LMNTD1: variants seen among roughly 807,000 people sequenced by gnomAD.
LMNTD1 encodes the protein lamin tail domain containing 1, also known as lamin tail domain-containing protein 1.
Under a neutral mutation model 50.9 loss-of-function variants are expected in LMNTD1, and 35 were observed. The ratio of observed to expected loss-of-function variants is 0.69; its 90% CI spans 0.53 to 0.91. The LOEUF (loss-of-function observed/expected upper bound fraction) is 0.91. LMNTD1 is among the 40% of genes least tolerant of loss of function. The pLI is 0.00. For synonymous variants in LMNTD1, 153 were observed against 161.9 expected, an observed-to-expected ratio of 0.94 and a Z score of 0.42; for missense variants, 470 against 475.5, an observed-to-expected ratio of 0.99 and a Z score of 0.11.
chr12:25,558,987 CT>C (rs566972849), intron 1 of LMNTD1, among the ~76,000 whole-genome samples: 8 of 148,866 alleles, frequency 5.4e-5, no homozygotes, highest in Non-Finnish European at 1.0e-4. Context: ...TTGAGACAGT[CT>C]TTTTTTTTAG....
At chr12:25,561,018 C>A (rs1473538701) in intron 1 of LMNTD1, among the ~76,000 whole-genome samples, 1 of 152,164 alleles carries the variant, frequency 6.6e-6, no homozygotes, top group Non-Finnish European at 1.5e-5. Flanking sequence ...ATTGAATACC[C>A]TTTTTTTCTT....
chr12:25,612,533 G>T (rs1376062358), intron 1 of LMNTD1, among the ~76,000 whole-genome samples: 1 of 152,058 alleles, frequency 6.6e-6, no homozygotes, highest in Non-Finnish European at 1.5e-5. Flanking sequence ...AGTCACTCAG[G>T]TAATGTAAAC....
chr12:25,542,219 G>A (rs1302089569), intron 4 of LMNTD1, among the ~76,000 whole-genome samples: 1 of 152,098 alleles, frequency 6.6e-6, no homozygotes, highest in African/African-American at 2.4e-5. Context: ...TCCCATTACT[G>A]GGTATATACC....
intron 4 of LMNTD1, among the ~76,000 whole-genome samples, chr12:25,539,949 C>T (rs1942932181): frequency 6.6e-6 from 1 of 151,572 alleles, no homozygotes; most frequent in Non-Finnish European, 1.5e-5. Flanking sequence ...ACAAACACCT[C>T]TACACAAATA....
chr12:25,591,858 A>AGAGAGAGAGAGAGT (rs1945710122), intron 1 of LMNTD1, among the ~76,000 whole-genome samples: 4 of 146,018 alleles, frequency 2.7e-5, no homozygotes, highest in Non-Finnish European at 6.0e-5. Context: ...AGAGAGAGAG[A>AGAGAGAGAGAGAGT]CTCTATTTAT....
intron 8 of LMNTD1, among the ~76,000 whole-genome samples, chr12:25,507,003 C>T (rs1235823735): frequency 6.6e-6 from 1 of 152,076 alleles, no homozygotes; most frequent in Non-Finnish European, 1.5e-5. Context: ...CCTCGGCCTC[C>T]CGAGTAGCTG....
At position 25,546,343 on chromosome 12, in the gene LMNTD1, A is replaced by G. The variant is rs144583764; in HGVS notation, c.491+31T>C. The G allele has an allele frequency of 2.8e-6, 4 of 1,411,514 alleles. No homozygotes were observed. In the African/African-American group the frequency reaches 4.3e-5, roughly 15 times the overall value. 87.4% of individuals were successfully genotyped at this position (1,411,514 alleles called of 1,614,324 possible). On this transcript the variant is annotated intron_variant, in intron 4 of 9. Coordinates refer to ENST00000458174, the MANE Select transcript of LMNTD1 (RefSeq NM_001145728.2). ...GATTTATTGGTCCTACCCCGACAGA[A>G]GATACTAAGTAGTTCAAATAAAATA...
intron 1 of LMNTD1, among the ~76,000 whole-genome samples, chr12:25,639,493 G>T: frequency 6.6e-6 from 1 of 151,940 alleles, no homozygotes; most frequent in Non-Finnish European, 1.5e-5. Context: ...TTTAAAAATG[G>T]GTAAAGAAGT....
At chr12:25,588,024 T>G (rs1209119617) in intron 1 of LMNTD1, among the ~76,000 whole-genome samples, 5 of 152,100 alleles carry the variant, frequency 3.3e-5, no homozygotes. Context: ...ATACTAAGAA[T>G]CAGAAGTTCT....
chr12:25,527,681 T>TACACACACACAC (rs376707066), intron 4 of LMNTD1, among the ~76,000 whole-genome samples: 12 of 32,344 alleles, frequency 3.7e-4, no homozygotes, highest in East Asian at 3.3e-3. Flanking sequence ...TATATATATA[T>TACACACACACAC]ACACACACAC....
intron 9 of LMNTD1, among the ~76,000 whole-genome samples, chr12:25,501,203 C>T (rs1404407650): frequency 6.6e-6 from 1 of 152,066 alleles, no homozygotes; most frequent in Admixed American, 6.6e-5. Flanking sequence ...GCTGACCAGG[C>T]TGCCTTTGAA....
chr12:25,505,265 T>C (rs774881968), intron 8 of LMNTD1, among the ~76,000 whole-genome samples: 3 of 152,210 alleles, frequency 2.0e-5, no homozygotes, highest in Non-Finnish European at 4.4e-5. Context: ...TGAAATCATA[T>C]TTTTTACTTG....
intron 1 of LMNTD1, among the ~76,000 whole-genome samples, chr12:25,582,119 T>C (rs929380277): frequency 2.6e-5 from 4 of 152,232 alleles, no homozygotes; most frequent in Non-Finnish European, 5.9e-5. Context: ...AGGAAGATTA[T>C]ATGGTAGCTC....
intron 1 of LMNTD1, among the ~76,000 whole-genome samples, chr12:25,633,004 G>A (rs529188460): frequency 6.7e-6 from 1 of 148,596 alleles, no homozygotes; most frequent in Admixed American, 6.8e-5. Flanking sequence ...GACACCAAAA[G>A]TGAGCAGGAG....
At chr12:25,527,568 C>T (rs1383339940) in intron 4 of LMNTD1, among the ~76,000 whole-genome samples, 1 of 146,232 alleles carries the variant, frequency 6.8e-6, no homozygotes, top group East Asian at 2.0e-4. Context: ...TGAGGACCCC[C>T]ATCTTGGAAA....
At chr12:25,494,406 A>G (rs1355236629) in intron 9 of LMNTD1, among the ~76,000 whole-genome samples, 4 of 152,166 alleles carry the variant, frequency 2.6e-5, no homozygotes, top group African/African-American at 7.2e-5. Flanking sequence ...ACATTTTTTC[A>G]TATTGCTGTA....
intron 1 of LMNTD1, among the ~76,000 whole-genome samples, chr12:25,636,553 C>T (rs145667442): frequency 0.018 from 2,755 of 152,286 alleles, 81 homozygotes; most frequent in African/African-American, 0.062. Context: ...ACTAGTACAA[C>T]CACTGTGGAA....
chr12:25,591,811 CAGAGAGAG>C (rs58392351), intron 1 of LMNTD1, among the ~76,000 whole-genome samples: 4,425 of 90,092 alleles, frequency 0.049, 108 homozygotes, highest in South Asian at 0.087. Flanking sequence ...TAGCTCAGAA[CAGAGAGAG>C]AGAGAGAGAG....
intron 9 of LMNTD1, among the ~76,000 whole-genome samples, chr12:25,491,696 A>G (rs1468155561): frequency 6.6e-6 from 1 of 152,228 alleles, no homozygotes; most frequent in Non-Finnish European, 1.5e-5. Flanking sequence ...CTGCTGGGAA[A>G]GAACAGCATG....
Sources: gnomAD v4.1 joint callset for allele counts (sites outside exome capture counted in the v4.1 genomes callset) on GRCh38, gnomAD v4.1.1 for gene constraint, MANE v1.5 for transcripts, NCBI Gene and HGNC (gene_info 2026-07-23, HGNC 2026-07-21) for gene names.